The following MTERF2 variants were observed in gnomAD, a reference collection of about 807,000 sequenced individuals.
MTERF2 encodes mitochondrial transcription termination factor 2.
MTERF2 carries 23 observed loss-of-function variants against 29.2 expected under a neutral mutation model. That is an observed-to-expected ratio of 0.79 (90% CI 0.57 to 1.12). MTERF2 has a LOEUF of 1.12. Ranked by LOEUF, MTERF2 falls within the 50% of genes most tolerant of loss-of-function variation. The probability of loss-of-function intolerance (pLI) is 0.00; values close to 1 mark genes in which losing one functional copy is unlikely to be tolerated. For missense variants in MTERF2, 440 were observed against 429.4 expected, an observed-to-expected ratio of 1.02 and a Z score of -0.22; for synonymous variants, 157 against 159.5, an observed-to-expected ratio of 0.98 and a Z score of 0.12.
rs1195883726 is a variant in MTERF2, at chr12:106,977,802, C to G, written c.913G>C (p.Gly305Arg). ...SVPVLEERMQ[G>R]LLREGISIAQ... is the part of the protein sequence containing the mutation. ...ATGGAAATTCCTTCTCTCAATAATC[C>G]TTGCATTCTCTCTTCTAAAACTGGA... Residue 305 changes from glycine to arginine, a missense_variant, in exon 3 of 3, where the codon GGA (glycine) becomes CGA (arginine). Transcript: ENST00000240050. The G allele has an allele frequency of 6.2e-7, 1 of 1,613,924 alleles. No homozygotes were observed. Among genetic ancestry groups the G allele is most frequent in the South Asian group, 1.1e-5 (1 of 91,080 alleles).
chr12:106,980,101 T>C (rs1952038833), intron 2 of MTERF2, among the ~76,000 whole-genome samples: 1 of 152,156 alleles, frequency 6.6e-6, no homozygotes, highest in Non-Finnish European at 1.5e-5. Context: ...TTTCACCATG[T>C]TGGCCAGGAT....
chr12:106,979,912 A>G (rs1180324510), intron 2 of MTERF2, among the ~76,000 whole-genome samples: 1 of 151,802 alleles, frequency 6.6e-6, no homozygotes, highest in Non-Finnish European at 1.5e-5. Flanking sequence ...AACTTTATTT[A>G]TTTTGAGACA....
chr12:106,982,501 A>G (rs138430508), intron 2 of MTERF2, among the ~76,000 whole-genome samples: 132 of 152,328 alleles, frequency 8.7e-4, no homozygotes, highest in African/African-American at 3.1e-3. Flanking sequence ...TGTGACTCCT[A>G]TGTAATGAAC....
rs2136787480 is a variant in MTERF2 at position 106,977,598 on chromosome 12, G to A, written c.1117C>T (p.Pro373Ser). The change falls in exon 3 of 3, where the codon CCA (proline) becomes TCA (serine). Residue 373 changes from proline (P) to serine (S), a missense_variant. Physicochemically the swap from Pro to Ser is moderately conservative, Grantham distance 74 (BLOSUM62 -1). Coordinates refer to ENST00000240050, the MANE Select transcript of MTERF2 (RefSeq NM_001033050.3). ...FGKIQAKKVRPLFNPVAPLNV... is the reference protein window; with the variant it reads ...FGKIQAKKVRSLFNPVAPLNV... ...AATGGTGCCACAGGGTTAAATAATG[G>A]CCTTACTTTTTTGGCCTGAATTTTG... 1 of 1,613,372 alleles carries A rather than the reference G, an allele frequency of 6.2e-7. No homozygotes were observed. Among genetic ancestry groups the A allele is most frequent in the East Asian group, 2.2e-5 (1 of 44,818 alleles).
rs777759360 is a variant in MTERF2, at chr12:106,977,583, CAG to C, written c.1130_1131del (p.Pro377ArgfsTer7). 3 of 1,612,306 alleles carry C rather than the reference CAG, an allele frequency of 1.9e-6. No homozygotes were observed. The Admixed American group carries it at 5.0e-5, about 27-fold the overall frequency. ...CATTCTTCAACATTTAATGGTGCCA[CAG>C]GGTTAAATAATGGCCTTACTTTTTT... ...QAKKVRPLFN[P>X]VAPLNVEE On this transcript the variant is annotated frameshift_variant, in exon 3 of 3. Transcript: ENST00000240050. LOFTEE classifies it high-confidence loss of function.
In MTERF2 at chr12:106,978,543, C is replaced by T. The variant is rs1382722726; in HGVS notation, c.172G>A (p.Asp58Asn). 8.1e-6 allele frequency: 13 copies of T among 1,614,094 alleles called. No homozygotes were observed. Among genetic ancestry groups the T allele is most frequent in the African/African-American group, 1.3e-5 (1 of 74,930 alleles). The change falls in exon 3 of 3, where the codon GAC becomes AAC. Residue 58 changes from aspartate to asparagine, a missense_variant. By Grantham distance (23) the Asp-to-Asn change is conservative. Coordinates refer to ENST00000240050, the MANE Select transcript of MTERF2 (RefSeq NM_001033050.3). ...TVEKLYKCSV[D>N]IRKIRRLKGW... ...TTTAATCTACGAATTTTCCTAATGT[C>T]AACTGAACATTTATAGAGCTTTTCC...
rs1439157013 is a variant in MTERF2 at position 106,978,575 on chromosome 12, C to G, written c.140G>C (p.Arg47Thr). The change falls in exon 3 of 3, where the codon AGA (arginine) becomes ACA (threonine). Residue 47 changes from arginine (R) to threonine (T), a missense_variant. Transcript: ENST00000240050. ...TDKQSSKENT[R>T]TVEKLYKCSV... is the part of the protein sequence containing the mutation. ...ACATTTATAGAGCTTTTCCACTGTT[C>G]TTGTATTTTCTTTGCTCGACTGTTT... is the stretch of plus-strand genomic sequence containing the variant. 3.7e-6 allele frequency: 6 copies of G among 1,614,138 alleles called. No homozygotes were observed. Among genetic ancestry groups the G allele is most frequent in the Non-Finnish European group, 5.1e-6 (6 of 1,180,014 alleles).
In MTERF2 at chr12:106,978,742, C is replaced by T. The variant is rs756820911; in HGVS notation, c.-28G>A. 3.8e-6 allele frequency: 6 copies of T among 1,584,092 alleles called. No homozygotes were observed. Among genetic ancestry groups the T allele is most frequent in the South Asian group, 2.3e-5 (2 of 86,088 alleles). On this transcript the variant is annotated 5_prime_UTR_variant, in exon 3 of 3. Transcript: ENST00000240050. ...CTGCAATCTACTAGCTAGTTTCCAC[C>T]GTCCTGGGACTTAAATGGACTCATT... is the stretch of plus-strand genomic sequence containing the variant.
At position 106,978,197 on chromosome 12, in the gene MTERF2, G is replaced by A; in HGVS notation, c.518C>T (p.Ala173Val). ...AACAGGATTATGAAAAACATTAGGTGCAGCTGTCAAAAGTCTGCTAATGAC... is the reference window on the plus strand; with the variant it reads ...AACAGGATTATGAAAAACATTAGGTACAGCTGTCAAAAGTCTGCTAATGAC... ...NVVISRLLTAAPNVFHNPVEK... is the reference protein window; with the variant it reads ...NVVISRLLTAVPNVFHNPVEK... Residue 173 changes from alanine (A) to valine (V), a missense_variant, in exon 3 of 3, where the codon GCA becomes GTA. Ala to Val is a moderately conservative substitution (Grantham distance 64). Transcript: ENST00000240050. 6.2e-7 allele frequency: 1 copy of A among 1,613,754 alleles called. No individual in the cohort carries two copies. The highest frequency in any genetic ancestry group is 1.3e-5 in the African/African-American group (1 of 75,020).
chr12:106,980,390 G>C (rs923957581), intron 2 of MTERF2, among the ~76,000 whole-genome samples: 1 of 152,192 alleles, frequency 6.6e-6, no homozygotes, highest in Non-Finnish European at 1.5e-5. Context: ...AAATCTTTTG[G>C]TATCAATTTC....
Position 106,978,416 on chromosome 12 carries a change from C to A in MTERF2, c.299G>T (p.Arg100Leu), listed in dbSNP as rs376992880. The change falls in exon 3 of 3, where the codon CGC (arginine) becomes CTC (leucine). Residue 100 changes from arginine (R) to leucine (L), a missense_variant. Arg to Leu is a moderately radical substitution (Grantham distance 102, BLOSUM62 -2). Coordinates refer to ENST00000240050, the MANE Select transcript of MTERF2 (RefSeq NM_001033050.3). ...ACTACAGACAATTGCTTCCGGGCAG[C>A]GTTCCAAAATACTGGCTACAGCAGT... is the stretch of plus-strand genomic sequence containing the variant. ...DETAVASILERCPEAIVCSPT... is the reference protein window; with the variant it reads ...DETAVASILELCPEAIVCSPT... 6.2e-7 allele frequency: 1 copy of A among 1,614,132 alleles called. No homozygotes were observed. The highest frequency in any genetic ancestry group is 8.5e-7 in the Non-Finnish European group (1 of 1,180,052).
Position 106,978,036 on chromosome 12 carries a change from T to C in MTERF2, c.679A>G (p.Ile227Val), listed in dbSNP as rs560443040. ...PFILLNSPTA[I>V]KETLEFLQEQ... ...TGGAGAAATTCTAGTGTTTCCTTTA[T>C]AGCTGTGGGAGAATTTAACAAAATA... Residue 227 changes from isoleucine (I) to valine (V), a missense_variant, in exon 3 of 3, where the codon ATA becomes GTA. Transcript: ENST00000240050. 59 of 1,614,102 alleles carry C rather than the reference T, an allele frequency of 3.7e-5. 1 individual carries two copies. The South Asian group carries it at 5.3e-4, about 14-fold the overall frequency.
intron 2 of MTERF2, among the ~76,000 whole-genome samples, chr12:106,982,550 T>C (rs1051995749): frequency 6.6e-6 from 1 of 151,372 alleles, no homozygotes; most frequent in African/African-American, 2.5e-5. Flanking sequence ...ATCTTTCTGC[T>C]TCTATTTTAT....
intron 1 of MTERF2, chr12:106,986,099 C>T (rs1370632320): frequency 6.6e-6 from 1 of 152,214 alleles, no homozygotes; most frequent in African/African-American, 2.4e-5. Flanking sequence ...CAGCAAAGAA[C>T]TTGTTCCACA....
At chr12:106,985,352 GC>G (rs1476133055) in intron 1 of MTERF2, 127 bp from the exon 2 acceptor site, 1 of 152,286 alleles carries the variant, frequency 6.6e-6, no homozygotes, top group East Asian at 1.9e-4. Flanking sequence ...TGCACCAGCT[GC>G]ATTTGCTTCC....
intron 1 of MTERF2, chr12:106,985,765 T>A (rs1952106673): frequency 6.6e-6 from 1 of 152,248 alleles, no homozygotes; most frequent in Non-Finnish European, 1.5e-5. Flanking sequence ...CAGCACTTAT[T>A]ATGCTCTTAC....
At chr12:106,984,526 A>G (rs1952088321) in intron 2 of MTERF2, among the ~76,000 whole-genome samples, 1 of 152,054 alleles carries the variant, frequency 6.6e-6, no homozygotes, top group Non-Finnish European at 1.5e-5. Context: ...CAAAGTGTCG[A>G]TTACAGGCGT....
intron 2 of MTERF2, 110 bp from the exon 3 acceptor site, chr12:106,978,881 A>G (rs1250985770): frequency 3.6e-6 from 2 of 556,396 alleles, no homozygotes; most frequent in African/African-American, 3.9e-5. Context: ...TTTAAATTAG[A>G]CAAGAAAACT....
At chr12:106,986,511 A>G (rs1022013496) in intron 1 of MTERF2, 4 of 152,036 alleles carry the variant, frequency 2.6e-5, no homozygotes, top group African/African-American at 4.8e-5. Context: ...CAAACCCCAC[A>G]GGTTGGCTCC....
Sources: allele counts gnomAD v4.1 joint callset (sites outside exome capture counted in the v4.1 genomes callset), GRCh38; gene constraint gnomAD v4.1.1; transcripts MANE v1.5; gene names NCBI Gene and HGNC (gene_info 2026-07-23, HGNC 2026-07-21).